Variants in HCN1 observed in about 807,000 individuals in gnomAD.
HCN1 encodes the protein potassium/sodium hyperpolarization-activated cyclic nucleotide-gated channel 1.
Under a neutral mutation model 78.9 loss-of-function variants are expected in HCN1, and 13 were observed. The observed-to-expected ratio is 0.16, with a 90% CI of 0.11 to 0.26. The LOEUF is 0.26. Ranked by LOEUF, HCN1 falls within the 10% of genes least tolerant of loss-of-function variation. The probability of loss-of-function intolerance (pLI) is 1.00; values close to 1 mark genes in which losing one functional copy is unlikely to be tolerated. For missense variants in HCN1, 810 were observed against 1,154.3 expected, an observed-to-expected ratio of 0.70 and a Z score of 4.32; for synonymous variants, 552 against 455.5, an observed-to-expected ratio of 1.21 and a Z score of -2.70.
At chr5:45,645,113 T>C (rs1222647866) in intron 2 of HCN1, 72 bp downstream of exon 2, 35 of 1,122,934 alleles carry the variant, frequency 3.1e-5, no homozygotes, top group Non-Finnish European at 4.4e-5. Flanking sequence ...CATTGCACAG[T>C]TGTTCATTGT....
At chr5:45,313,519 A>G (rs1414081443) in intron 5 of HCN1, among the ~76,000 whole-genome samples, 5 of 152,242 alleles carry the variant, frequency 3.3e-5, no homozygotes, top group African/African-American at 1.2e-4. Flanking sequence ...TGGATGGAGA[A>G]TGACTTCGAT....
chr5:45,625,120 T>C (rs1042240605), intron 2 of HCN1, among the ~76,000 whole-genome samples: 1 of 152,012 alleles, frequency 6.6e-6, no homozygotes, highest in Non-Finnish European at 1.5e-5. Flanking sequence ...GGAGCCAACA[T>C]AGTGAAACCC....
intron 4 of HCN1, among the ~76,000 whole-genome samples, chr5:45,368,061 C>A: frequency 6.6e-6 from 1 of 151,874 alleles, no homozygotes; most frequent in African/African-American, 2.4e-5. Flanking sequence ...CAGTTGTGTT[C>A]CACTCAAACC....
chr5:45,560,220 A>T (rs544538834), intron 2 of HCN1, among the ~76,000 whole-genome samples: 8 of 152,248 alleles, frequency 5.3e-5, no homozygotes, highest in Admixed American at 1.3e-4. Context: ...AACCTGCAAT[A>T]TCTCCAGGGT....
rs191603202 is a variant in HCN1, at chr5:45,635,378, T to C, written c.849+9807A>G. On this transcript the variant is annotated intron_variant, in intron 2 of 7. Transcript: ENST00000303230. Reference sequence around the variant, plus strand: ...AAAAAGAGCAAAATTGAAATAATTATTGTAAAAATTCCCACCTATAAACAA... The same window carrying C: ...AAAAAGAGCAAAATTGAAATAATTACTGTAAAAATTCCCACCTATAAACAA... Among the ~76,000 whole-genome samples, 100 of 152,100 alleles carry C rather than the reference T, an allele frequency of 6.6e-4. 1 individual carries two copies. The highest frequency in any genetic ancestry group is 1.0e-4 in the Non-Finnish European group (7 of 67,930).
intron 5 of HCN1, among the ~76,000 whole-genome samples, chr5:45,320,270 A>G (rs2111934369): frequency 6.6e-6 from 1 of 151,852 alleles, no homozygotes; most frequent in East Asian, 1.9e-4. Context: ...CATCTCCTAG[A>G]GAACATCCTA....
chr5:45,380,295 A>C (rs1451435471), intron 4 of HCN1, among the ~76,000 whole-genome samples: 1 of 152,070 alleles, frequency 6.6e-6, no homozygotes, highest in African/African-American at 2.4e-5. Context: ...TGTTAATGCC[A>C]TTTACAAGAG....
At chr5:45,370,770 A>G (rs1035514758) in intron 4 of HCN1, among the ~76,000 whole-genome samples, 1 of 152,068 alleles carries the variant, frequency 6.6e-6, no homozygotes, top group Non-Finnish European at 1.5e-5. Flanking sequence ...GTAGAATGGT[A>G]TTCTTACTCT....
chr5:45,464,364 C>CGGG (rs1020244937), intron 2 of HCN1, among the ~76,000 whole-genome samples: 2 of 152,096 alleles, frequency 1.3e-5, no homozygotes, highest in African/African-American at 4.8e-5. Flanking sequence ...ACCAAATAGT[C>CGGG]ATTCCCAATT....
Position 45,267,270 on chromosome 5 carries a change from C to G in HCN1, c.1619-17G>C, listed in dbSNP as rs777720710. 1.9e-6 allele frequency: 3 copies of G among 1,612,362 alleles called. No individual in the cohort carries two copies. The African/African-American group carries it at 4.0e-5, about 22-fold the overall frequency. ...GGCAAATCTCTATAAAAACAAACAA[C>G]AAAGAAGAATGACTTGTTTGATCAT... On this transcript the variant is annotated splice_polypyrimidine_tract_variant and intron_variant, in intron 6 of 7. Coordinates refer to ENST00000303230, the MANE Select transcript of HCN1 (RefSeq NM_021072.4).
chr5:45,612,042 C>G (rs1744849695), intron 2 of HCN1, among the ~76,000 whole-genome samples: 2 of 152,112 alleles, frequency 1.3e-5, no homozygotes, highest in South Asian at 4.1e-4. Context: ...AAGTTTAAAA[C>G]CTTTGACATA....
At chr5:45,660,506 G>A (rs1183806063) in intron 1 of HCN1, among the ~76,000 whole-genome samples, 1 of 150,774 alleles carries the variant, frequency 6.6e-6, no homozygotes, top group Non-Finnish European at 1.5e-5. Context: ...AACACAGACT[G>A]GCAAGTTGGA....
intron 2 of HCN1, among the ~76,000 whole-genome samples, chr5:45,583,813 A>C (rs951025123): frequency 1.3e-5 from 2 of 152,186 alleles, no homozygotes; most frequent in African/African-American, 4.8e-5. Context: ...CAGGTTGTTC[A>C]GTTTCCATGT....
chr5:45,296,582 T>TAATA (rs1296477030), intron 6 of HCN1, among the ~76,000 whole-genome samples: 8 of 151,864 alleles, frequency 5.3e-5, no homozygotes, highest in African/African-American at 1.9e-4. Flanking sequence ...GAAAGCAATT[T>TAATA]AAGCTCAAAG....
chr5:45,620,936 C>A (rs979877110), intron 2 of HCN1, among the ~76,000 whole-genome samples: 1 of 152,072 alleles, frequency 6.6e-6, no homozygotes, highest in Non-Finnish European at 1.5e-5. Context: ...ATACATCAAT[C>A]CTAGTTAAAA....
chr5:45,416,745 A>G (rs1579879793), intron 3 of HCN1, among the ~76,000 whole-genome samples: 1 of 152,110 alleles, frequency 6.6e-6, no homozygotes, highest in Middle Eastern at 3.4e-3. Context: ...ATAAGATTGT[A>G]TTCAATATGC....
chr5:45,533,906 C>A, intron 2 of HCN1, among the ~76,000 whole-genome samples: 1 of 152,172 alleles, frequency 6.6e-6, no homozygotes, highest in Non-Finnish European at 1.5e-5. Flanking sequence ...GGGCACAGTT[C>A]TGTGGGCTCG....
At chr5:45,553,401 G>A (rs1409116238) in intron 2 of HCN1, among the ~76,000 whole-genome samples, 1 of 151,722 alleles carries the variant, frequency 6.6e-6, no homozygotes, top group East Asian at 1.9e-4. Context: ...GATGCCCCTG[G>A]ACACACTATA....
At chr5:45,370,285 T>A (rs1747326276) in intron 4 of HCN1, among the ~76,000 whole-genome samples, 1 of 152,014 alleles carries the variant, frequency 6.6e-6, no homozygotes, top group Non-Finnish European at 1.5e-5. Context: ...AAAACCTGAA[T>A]ATATAAAGAT....
Sources: allele counts gnomAD v4.1 joint callset (sites outside exome capture counted in the v4.1 genomes callset), GRCh38; gene constraint gnomAD v4.1.1; transcripts MANE v1.5; gene names NCBI Gene and HGNC (gene_info 2026-07-23, HGNC 2026-07-21).